The following SLC35F3 variants were observed in gnomAD, a reference collection of about 807,000 sequenced individuals.
The protein encoded by SLC35F3 is solute carrier family 35 member F3, also known as putative thiamine transporter SLC35F3.
SLC35F3 carries 25 observed loss-of-function variants against 49.9 expected under a neutral mutation model. The observed-to-expected ratio is 0.50, with a 90% CI of 0.37 to 0.70. SLC35F3 has a LOEUF of 0.70. Among genes scored for constraint, SLC35F3 ranks in the 30% least tolerant of loss-of-function variants. The probability of loss-of-function intolerance (pLI) is 0.00; values close to 1 mark genes in which losing one functional copy is unlikely to be tolerated. For synonymous variants in SLC35F3, 275 were observed against 265.4 expected (o/e 1.04, Z -0.35); for missense variants, 525 against 639.8 (o/e 0.82, Z 1.94).
intron 2 of SLC35F3, among the ~76,000 whole-genome samples, chr1:234,145,100 C>A (rs770113315): frequency 6.6e-6 from 1 of 152,232 alleles, no homozygotes; most frequent in Non-Finnish European, 1.5e-5. Context: ...TAACTTTCAT[C>A]ACAGCAGCCC....
intron 2 of SLC35F3, among the ~76,000 whole-genome samples, chr1:234,019,794 A>C (rs1663863818): frequency 6.6e-6 from 1 of 152,206 alleles, no homozygotes; most frequent in South Asian, 2.1e-4. Flanking sequence ...TCTCTGGCGC[A>C]GTACATGTAA....
chr1:233,913,685 T>G (rs1486225994), intron 2 of SLC35F3, among the ~76,000 whole-genome samples: 1 of 152,236 alleles, frequency 6.6e-6, no homozygotes, highest in Non-Finnish European at 1.5e-5. Context: ...AGCATCTACA[T>G]TTCTGTAGGG....
rs75295150 is a variant in SLC35F3, at chr1:234,047,504, C to T, written c.283+141746C>T. 1.1e-3 allele frequency among the ~76,000 whole-genome samples: 165 copies of T among 152,320 alleles called. 3 individuals carry two copies. In the East Asian group the frequency reaches 0.024, roughly 23 times the overall value. On this transcript the variant is annotated intron_variant, in intron 2 of 7. Transcript: ENST00000366618. ...AGCTGGGATAACAGCTTTCTTCCTG[C>T]CTTCAGATTAAAATTGAATCATTGG...
intron 2 of SLC35F3, among the ~76,000 whole-genome samples, chr1:233,948,447 T>C (rs1214722683): frequency 6.6e-6 from 1 of 152,140 alleles, no homozygotes; most frequent in East Asian, 1.9e-4. Flanking sequence ...AGCGAAGGGT[T>C]CAAGTGGGTA....
chr1:234,013,759 A>G (rs770451040), intron 2 of SLC35F3, among the ~76,000 whole-genome samples: 1 of 152,020 alleles, frequency 6.6e-6, no homozygotes, highest in East Asian at 1.9e-4. Flanking sequence ...TCCTGGAACT[A>G]TACAATTACC....
chr1:234,217,026 T>C (rs1270337490), intron 2 of SLC35F3, among the ~76,000 whole-genome samples: 2 of 152,250 alleles, frequency 1.3e-5, no homozygotes, highest in Admixed American at 6.5e-5. Context: ...ACCATTTGCA[T>C]CTTATGTGCT....
At chr1:234,273,014 C>T (rs896017716) in intron 3 of SLC35F3, among the ~76,000 whole-genome samples, 20 of 152,330 alleles carry the variant, frequency 1.3e-4, no homozygotes, top group African/African-American at 4.3e-4. Context: ...CGGCACTCCT[C>T]GGATCCCTCT....
At chr1:234,110,496 G>A (rs1458653915) in intron 2 of SLC35F3, among the ~76,000 whole-genome samples, 1 of 152,198 alleles carries the variant, frequency 6.6e-6, no homozygotes, top group Non-Finnish European at 1.5e-5. Flanking sequence ...ATACACAGTA[G>A]GTGTTCAATA....
At chr1:234,202,353 A>C (rs145596698) in intron 2 of SLC35F3, among the ~76,000 whole-genome samples, 339 of 152,332 alleles carry the variant, frequency 2.2e-3, no homozygotes, top group Middle Eastern at 6.8e-3. Flanking sequence ...AAAGAAAAAA[A>C]GTTGAGAGAC....
intron 3 of SLC35F3, among the ~76,000 whole-genome samples, chr1:234,303,540 A>T (rs1572143308): frequency 6.6e-6 from 1 of 152,124 alleles, no homozygotes. Flanking sequence ...GGCTTGGGAG[A>T]CACCGCTGTT....
At chr1:234,233,758 A>G (rs1667420605) in intron 3 of SLC35F3, among the ~76,000 whole-genome samples, 2 of 152,270 alleles carry the variant, frequency 1.3e-5, no homozygotes, top group South Asian at 4.1e-4. Flanking sequence ...TAAAAGAGGG[A>G]GGATAATCCC....
chr1:234,228,739 ATGTG>A (rs1173200900), intron 2 of SLC35F3, among the ~76,000 whole-genome samples: 2 of 151,950 alleles, frequency 1.3e-5, no homozygotes, highest in Non-Finnish European at 2.9e-5. Flanking sequence ...GGGTGTGTGT[ATGTG>A]TGTGTGTCTG....
At chr1:234,253,745 C>T (rs1667774608) in intron 3 of SLC35F3, among the ~76,000 whole-genome samples, 1 of 152,160 alleles carries the variant, frequency 6.6e-6, no homozygotes, top group Non-Finnish European at 1.5e-5. Context: ...AGAAAATGGA[C>T]AGAGAGGCAC....
At chr1:234,142,019 TC>T (rs1665923944) in intron 2 of SLC35F3, among the ~76,000 whole-genome samples, 1 of 152,054 alleles carries the variant, frequency 6.6e-6, no homozygotes, top group Admixed American at 6.6e-5. Context: ...CACCACTGTC[TC>T]CCCCTCTGCC....
chr1:233,965,576 C>G (rs2102814208), intron 2 of SLC35F3, among the ~76,000 whole-genome samples: 1 of 152,286 alleles, frequency 6.6e-6, no homozygotes, highest in South Asian at 2.1e-4. Context: ...CAGGCAGCCT[C>G]TAGGAGCTAA....
chr1:234,242,037 T>C (rs1349393564), intron 3 of SLC35F3, among the ~76,000 whole-genome samples: 1 of 152,244 alleles, frequency 6.6e-6, no homozygotes, highest in Non-Finnish European at 1.5e-5. Flanking sequence ...CATATTATTT[T>C]GTGATATCAC....
At chr1:234,225,811 A>T (rs1002151160) in intron 2 of SLC35F3, among the ~76,000 whole-genome samples, 1 of 152,246 alleles carries the variant, frequency 6.6e-6, no homozygotes, top group Admixed American at 6.5e-5. Context: ...GGATAAGCCA[A>T]ATTTGGTATA....
intron 2 of SLC35F3, among the ~76,000 whole-genome samples, chr1:233,992,185 C>T (rs1445130174): frequency 2.0e-5 from 3 of 152,188 alleles, no homozygotes; most frequent in African/African-American, 7.2e-5. Context: ...GACACCCCCT[C>T]TGTTCATTTA....
intron 2 of SLC35F3, among the ~76,000 whole-genome samples, chr1:234,094,475 C>A (rs1665089146): frequency 6.6e-6 from 1 of 152,220 alleles, no homozygotes; most frequent in South Asian, 2.1e-4. Context: ...ATCAGAGAGG[C>A]TGTCTTGGGT....
Sources: gnomAD v4.1 joint callset for allele counts (sites outside exome capture counted in the v4.1 genomes callset) on GRCh38, gnomAD v4.1.1 for gene constraint, MANE v1.5 for transcripts, NCBI Gene and HGNC (gene_info 2026-07-23, HGNC 2026-07-21) for gene names.